CYP26A1: variants seen among roughly 807,000 people sequenced by gnomAD.
CYP26A1 encodes cytochrome P450 family 26 subfamily A member 1.
In CYP26A1, 46 loss-of-function variants were observed where a neutral mutation model predicts 47.4. The observed-to-expected ratio is 0.97, with a 90% confidence interval of 0.77 to 1.24. The LOEUF (loss-of-function observed/expected upper bound fraction) is 1.24. Among genes scored for constraint, CYP26A1 ranks in the 50% most tolerant of loss-of-function variants. CYP26A1 has a pLI of 0.00. For synonymous variants in CYP26A1, 277 were observed against 263.7 expected, an observed-to-expected ratio of 1.05 and a Z score of -0.49; for missense variants, 680 against 644.4, an observed-to-expected ratio of 1.06 and a Z score of -0.60.
rs931420533 is a variant in CYP26A1 at position 93,074,200 on chromosome 10, G to A, written c.189+77G>A. 21 of 1,517,724 alleles carry A rather than the reference G, an allele frequency of 1.4e-5. No individual in the cohort carries two copies. The Admixed American group carries it at 3.5e-4, about 25-fold the overall frequency. The allele number at this position is 1,517,724 out of a possible 1,614,324, so 94.0% of individuals were successfully genotyped here. A position where few individuals can be genotyped will look rare whatever the true frequency, so the allele number is the denominator to read the frequency against. ...CTGGGCTTCTGCTGAAGTCGGGGTA[G>A]GCGCCCCCGGGAGGCATGCTATTGC... On this transcript the variant is annotated intron_variant, in intron 1 of 6. Coordinates refer to ENST00000224356, the MANE Select transcript of CYP26A1 (RefSeq NM_000783.4). The surrounding 1 kb of genome is among the most constrained non-coding windows in gnomAD (Gnocchi z 5.3).
In CYP26A1 at chr10:93,076,605, A is replaced by T. The variant is rs2134424748; in HGVS notation, c.1061A>T (p.Lys354Ile). ...KLDMEILEQL[K>I]YIGCVIKETL... Reference sequence around the variant, plus strand: ...GACATGGAAATTTTGGAACAACTTAAATACATCGGGTGTGTTATTAAGGAG... The same window carrying T: ...GACATGGAAATTTTGGAACAACTTATATACATCGGGTGTGTTATTAAGGAG... The change falls in exon 6 of 7, where the codon AAA becomes ATA. Residue 354 changes from lysine (K) to isoleucine (I), a missense_variant. By Grantham distance (102) the Lys-to-Ile change is moderately radical. Transcript: ENST00000224356. The T allele has an allele frequency of 6.2e-7, 1 of 1,607,836 alleles. No individual in the cohort carries two copies. The highest frequency in any genetic ancestry group is 8.5e-7 in the Non-Finnish European group (1 of 1,174,414).
At position 93,074,544 on chromosome 10, in the gene CYP26A1, A is replaced by G; in HGVS notation, c.414+12A>G. On this transcript the variant is annotated intron_variant, in intron 2 of 6. Coordinates refer to ENST00000224356, the MANE Select transcript of CYP26A1 (RefSeq NM_000783.4). This position sits in a 1 kb window ranked among gnomAD's most constrained non-coding sequence, Gnocchi z 5.3. ...AGCAGCGCAAGAAGGTGGGGGCAGG[A>G]GGCGACGGCTGGACAGGGAGGGGGA... The G allele has an allele frequency of 6.6e-7, 1 of 1,525,256 alleles. No homozygotes were observed. The highest frequency in any genetic ancestry group is 9.1e-7 in the Non-Finnish European group (1 of 1,099,810). The allele number at this position is 1,525,256 out of a possible 1,614,324, so 94.5% of individuals were successfully genotyped here.
At position 93,077,047 on chromosome 10, in the gene CYP26A1, G is replaced by T. The variant is rs1296494019; in HGVS notation, c.1237G>T (p.Glu413Ter). 2 of 1,613,860 alleles carry T rather than the reference G, an allele frequency of 1.2e-6. No individual in the cohort carries two copies. Among genetic ancestry groups the T allele is most frequent in the African/African-American group, 1.3e-5 (1 of 75,056 alleles). Residue 413 changes from glutamate (E) to a stop codon, truncating the protein, a stop_gained, in exon 7 of 7, where the codon GAA becomes TAA. Coordinates refer to ENST00000224356, the MANE Select transcript of CYP26A1 (RefSeq NM_000783.4). LOFTEE classifies it high-confidence loss of function. ...DVAEIFTNKEEFNPDRFMLPH... is the reference protein window; with the variant it reads ...DVAEIFTNKE ...GGCAGAGATCTTCACCAACAAGGAA[G>T]AATTTAATCCTGACCGATTCATGCT...
Position 93,076,968 on chromosome 10 carries a change from C to G in CYP26A1, c.1158C>G (p.Tyr386Ter), listed in dbSNP as rs765850598. ...GGTTTCATAATCTTTTGCAGGGATACCAGATTCCCAAGGGCTGGAATGTTA... is the reference window on the plus strand; with the variant it reads ...GGTTTCATAATCTTTTGCAGGGATAGCAGATTCCCAAGGGCTGGAATGTTA... ...VALKTFELNG[Y>*]QIPKGWNVIY... is the part of the protein sequence containing the mutation. The change falls in exon 7 of 7, where the codon TAC (tyrosine) becomes TAG (stop). Residue 386 changes from tyrosine (Y) to a stop codon, truncating the protein, a stop_gained. Coordinates refer to ENST00000224356, the MANE Select transcript of CYP26A1 (RefSeq NM_000783.4). LOFTEE classifies it high-confidence loss of function. 6.3e-7 allele frequency: 1 copy of G among 1,576,088 alleles called. No homozygotes were observed. The highest frequency in any genetic ancestry group is 1.4e-5 in the African/African-American group (1 of 73,860).
At position 93,077,067 on chromosome 10, in the gene CYP26A1, C is replaced by T. The variant is rs773031908; in HGVS notation, c.1257C>T (p.Phe419=). The part of the protein sequence containing the change: ...TNKEEFNPDR[F]MLPHPEDASR... ...AGGAAGAATTTAATCCTGACCGATT[C>T]ATGCTGCCTCACCCAGAGGATGCAT... The change falls in exon 7 of 7, where the codon TTC becomes TTT. Residue 419 remains phenylalanine, a synonymous_variant. Transcript: ENST00000224356. 1.5e-5 allele frequency: 24 copies of T among 1,613,628 alleles called. 1 individual carries two copies. In the South Asian group the frequency reaches 1.8e-4, roughly 12 times the overall value.
In CYP26A1 at chr10:93,074,180, C is replaced by T; in HGVS notation, c.189+57C>T. 6.6e-7 allele frequency: 1 copy of T among 1,520,796 alleles called. No individual in the cohort carries two copies. Among genetic ancestry groups the T allele is most frequent in the Non-Finnish European group, 8.8e-7 (1 of 1,132,486 alleles). 94.2% of individuals were successfully genotyped at this position (1,520,796 alleles called of 1,614,324 possible). A position where few individuals can be genotyped will look rare whatever the true frequency, so the allele number is the denominator to read the frequency against. ...CCCCGGAGCCCGGCGCGGCTCTGGGCTTCTGCTGAAGTCGGGGTAGGCGCC... is the reference window on the plus strand; with the variant it reads ...CCCCGGAGCCCGGCGCGGCTCTGGGTTTCTGCTGAAGTCGGGGTAGGCGCC... On this transcript the variant is annotated intron_variant, in intron 1 of 6. Coordinates refer to ENST00000224356, the MANE Select transcript of CYP26A1 (RefSeq NM_000783.4). This position sits in a 1 kb window ranked among gnomAD's most constrained non-coding sequence, Gnocchi z 5.3.
intron 4 of CYP26A1, 40 bp downstream of exon 4, chr10:93,075,347 C>T: frequency 1.3e-6 from 2 of 1,590,560 alleles, no homozygotes; most frequent in Middle Eastern, 1.7e-4. Flanking sequence ...GGAGTTTGGT[C>T]CCCTGGCTTT....
chr10:93,077,364 T>C lies in CYP26A1; in HGVS notation c.*60T>C. 1 of 878,964 alleles carries C rather than the reference T, an allele frequency of 1.1e-6. No individual in the cohort carries two copies. Among genetic ancestry groups the C allele is most frequent in the African/African-American group, 1.7e-5 (1 of 59,742 alleles). The allele number at this position is 878,964 out of a possible 1,614,324, so 54.4% of individuals were successfully genotyped here. On this transcript the variant is annotated 3_prime_UTR_variant, in exon 7 of 7. Coordinates refer to ENST00000224356, the MANE Select transcript of CYP26A1 (RefSeq NM_000783.4). ...AGTGTACATATGAGTTTTTAAGGAG[T>C]GTTGTGTTGACTTTATATTTAATTT...
chr10:93,075,243 G>T lies in CYP26A1; in HGVS notation c.800G>T (p.Cys267Phe). 1 of 1,614,054 alleles carries T rather than the reference G, an allele frequency of 6.2e-7. No individual in the cohort carries two copies. The stretch of plus-strand genomic sequence containing the variant: ...CGGGCATCCGAGGCGGGCCAGGGCT[G>T]CAAAGACGCGCTGCAGCTGTTGATC... The part of the protein sequence containing the change: ...GLRASEAGQG[C>F]KDALQLLIEH... The change falls in exon 4 of 7, where the codon TGC becomes TTC. Residue 267 changes from cysteine to phenylalanine, a missense_variant. By Grantham distance (205) the Cys-to-Phe change is radical. Transcript: ENST00000224356.
intron 6 of CYP26A1, 67 bp downstream of exon 6, chr10:93,076,763 T>C: frequency 8.2e-7 from 1 of 1,223,896 alleles, no homozygotes; most frequent in Non-Finnish European, 1.2e-6. Flanking sequence ...TTCCCTATGC[T>C]GTGGCTGCAA....
At position 93,075,634 on chromosome 10, in the gene CYP26A1, C is replaced by A. The variant is rs913081039; in HGVS notation, c.865-192C>A. Reference sequence around the variant, plus strand: ...GAGTTTCCGGTAGAGCGGGGTCGTACTCGCCTTACTGCTCCAGCTGAACTA... The same window carrying A: ...GAGTTTCCGGTAGAGCGGGGTCGTAATCGCCTTACTGCTCCAGCTGAACTA... On this transcript the variant is annotated intron_variant, in intron 4 of 6. Transcript: ENST00000224356. 1.0e-5 allele frequency: 6 copies of A among 591,188 alleles called. No homozygotes were observed. The Admixed American group carries it at 1.8e-4, about 17-fold the overall frequency. The allele number at this position is 591,188 out of a possible 1,614,324, so 36.6% of individuals were successfully genotyped here. A position where few individuals can be genotyped will look rare whatever the true frequency, so the allele number is the denominator to read the frequency against.
At chr10:93,073,859 G>A (rs1846928812), upstream of CYP26A1, 7 of 631,316 alleles carry the variant, frequency 1.1e-5, no homozygotes, top group South Asian at 1.1e-4. Flanking sequence ...AACCTGGGCC[G>A]CCTATAAAGC....
intron 4 of CYP26A1, 140 bp from the exon 5 acceptor site, chr10:93,075,686 T>A (rs932078950): frequency 9.1e-6 from 6 of 659,562 alleles, no homozygotes; most frequent in Non-Finnish European, 1.6e-5. Context: ...TGTTTAAAGA[T>A]ATTGCTTTCC....
At position 93,075,829 on chromosome 10, in the gene CYP26A1, C is replaced by T; in HGVS notation, c.868C>T (p.Leu290=). The T allele has an allele frequency of 6.2e-7, 1 of 1,611,720 alleles. No individual in the cohort carries two copies. Among genetic ancestry groups the T allele is most frequent in the Non-Finnish European group, 8.5e-7 (1 of 1,177,790 alleles). ...GTGGGTCTCACTCTATTCTTAGGCA[C>T]TAAAGCAATCTTCAACCGAACTCCT... The part of the protein sequence containing the change: ...ERGERLDMQA[L]KQSSTELLFG... The change falls in exon 5 of 7, where the codon CTA becomes TTA. Residue 290 remains leucine, a synonymous_variant. Transcript: ENST00000224356.
chr10:93,075,940 C>T lies in CYP26A1; in HGVS notation c.979C>T (p.Arg327Ter). ...GLYPHVLQKV[R>*]EELKSKGLLC... ...CTACCCACATGTTCTCCAGAAAGTG[C>T]GAGAAGAGCTGAAGAGTAAGGTAGG... The change falls in exon 5 of 7, where the codon CGA becomes TGA. Residue 327 changes from arginine to a stop codon, truncating the protein, a stop_gained. Transcript: ENST00000224356. LOFTEE classifies it high-confidence loss of function. 1.9e-6 allele frequency: 3 copies of T among 1,612,524 alleles called. No individual in the cohort carries two copies. The highest frequency in any genetic ancestry group is 2.5e-6 in the Non-Finnish European group (3 of 1,178,560).
At position 93,074,660 on chromosome 10, in the gene CYP26A1, G is replaced by A; in HGVS notation, c.415-119G>A. Reference sequence around the variant, plus strand: ...AGGACCCTCTGCCAGCTCCAGGTTAGCTTTCCCAGCTCGGAGAGTGCCATG... The same window carrying A: ...AGGACCCTCTGCCAGCTCCAGGTTAACTTTCCCAGCTCGGAGAGTGCCATG... On this transcript the variant is annotated intron_variant, in intron 2 of 6. Transcript: ENST00000224356. This position sits in a 1 kb window ranked among gnomAD's most constrained non-coding sequence, Gnocchi z 5.3. 9.1e-7 allele frequency: 1 copy of A among 1,101,970 alleles called. No individual in the cohort carries two copies. Among genetic ancestry groups the A allele is most frequent in the Non-Finnish European group, 1.3e-6 (1 of 744,470 alleles). 68.3% of individuals were successfully genotyped at this position (1,101,970 alleles called of 1,614,324 possible). A position where few individuals can be genotyped will look rare whatever the true frequency, so the allele number is the denominator to read the frequency against.
chr10:93,074,693 C>A lies in CYP26A1; in HGVS notation c.415-86C>A. 1.6e-6 allele frequency: 2 copies of A among 1,245,742 alleles called. No homozygotes were observed. The highest frequency in any genetic ancestry group is 1.9e-5 in the Admixed American group (1 of 53,896). 77.2% of individuals were successfully genotyped at this position (1,245,742 alleles called of 1,614,324 possible). A position where few individuals can be genotyped will look rare whatever the true frequency, so the allele number is the denominator to read the frequency against. On this transcript the variant is annotated intron_variant, in intron 2 of 6. Coordinates refer to ENST00000224356, the MANE Select transcript of CYP26A1 (RefSeq NM_000783.4). This position sits in a 1 kb window ranked among gnomAD's most constrained non-coding sequence, Gnocchi z 5.3. ...AGCTCGGAGAGTGCCATGTGTCTGG[C>A]AGGACTGGGGGTGTCTGGAAGGGGA...
At chr10:93,075,354 C>T (rs754256496) in intron 4 of CYP26A1, 47 bp downstream of exon 4, 22 of 1,578,538 alleles carry the variant, frequency 1.4e-5, no homozygotes, top group East Asian at 4.6e-5. Context: ...GGTCCCCTGG[C>T]TTTCCAAGCG....
intron 4 of CYP26A1, 199 bp from the exon 5 acceptor site, chr10:93,075,627 G>A (rs961922126): frequency 6.8e-6 from 4 of 587,874 alleles, no homozygotes; most frequent in Admixed American, 3.0e-5. Context: ...GGTAGAGCGG[G>A]GTCGTACTCG....
Sources: gnomAD v4.1 joint callset for allele counts on GRCh38, gnomAD v4.1.1 for gene constraint, Gnocchi (gnomAD v3.1) non-coding constraint, MANE v1.5 for transcripts, NCBI Gene and HGNC (gene_info 2026-07-23, HGNC 2026-07-21) for gene names.